Variants in F3 observed in about 807,000 individuals in gnomAD.
F3 encodes coagulation factor III, tissue factor.
Under a neutral mutation model 33.5 loss-of-function variants are expected in F3, and 18 were observed. The observed-to-expected ratio is 0.54, with a 90% confidence interval of 0.37 to 0.80. The LOEUF (loss-of-function observed/expected upper bound fraction) is 0.80, where lower values mean the gene tolerates loss of function less well. Among genes scored for constraint, F3 ranks in the 30% least tolerant of loss-of-function variants. F3 has a pLI of 0.00. For synonymous variants in F3, 147 were observed against 140.7 expected (o/e 1.05, Z -0.32); for missense variants, 353 against 362.1 (o/e 0.97, Z 0.20).
chr1:94,534,295 G>T (rs3917620), intron 3 of F3, among the ~76,000 whole-genome samples: 3,748 of 152,284 alleles, frequency 0.025, 178 homozygotes, highest in African/African-American at 0.086. Flanking sequence ...TGGTAAGGCT[G>T]CAGTCAACAG....
Position 94,533,111 on chromosome 1 carries a change from C to G in F3, c.570G>C (p.Trp190Cys). Residue 190 changes from tryptophan to cysteine, a missense_variant, in exon 4 of 6, where the codon TGG becomes TGC. Transcript: ENST00000334047. ...TCACCTTTCCTGAACTTGAAGATTT[C>G]CAATAATAAAGTGTATAAATTAAGT... is the stretch of plus-strand genomic sequence containing the variant. ...GKDLIYTLYYWKSSSSGKKTA... is the reference protein window; with the variant it reads ...GKDLIYTLYYCKSSSSGKKTA... 6.2e-7 allele frequency: 1 copy of G among 1,613,176 alleles called. No individual in the cohort carries two copies. Among genetic ancestry groups the G allele is most frequent in the East Asian group, 2.2e-5 (1 of 44,870 alleles).
At chr1:94,533,402 G>T in intron 3 of F3, 134 bp from the exon 4 acceptor site, 1 of 1,076,386 alleles carries the variant, frequency 9.3e-7, no homozygotes, top group Non-Finnish European at 1.3e-6. Flanking sequence ...CCTGAAAGAA[G>T]CAGGCGTGGC....
Position 94,529,557 on chromosome 1 carries a change from A to G in F3, c.*903T>C, listed in dbSNP as rs1302434234. On this transcript the variant is annotated 3_prime_UTR_variant, in exon 6 of 6. Transcript: ENST00000334047. The stretch of plus-strand genomic sequence containing the variant: ...ATGTTTAATGCCACTTAAGTCAGTT[A>G]AAGTGCAGATTGTAAAGCATATTAG... 6.6e-6 allele frequency: 1 copy of G among 152,630 alleles called. No homozygotes were observed. The highest frequency in any genetic ancestry group is 2.4e-5 in the African/African-American group (1 of 41,452). The allele number at this position is 152,630 out of a possible 1,614,324, so 9.5% of individuals were successfully genotyped here.
chr1:94,532,485 A>G lies in F3; in HGVS notation c.592-5T>C, dbSNP rs776120040. On this transcript the variant is annotated splice_polypyrimidine_tract_variant and splice_region_variant and intron_variant, in intron 4 of 5. Transcript: ENST00000334047. ...AGTGTTTGTTTTGGCTGTTTTCTGTAAAAAGATAGAGTTCTTAATTCATCT... is the reference window on the plus strand; with the variant it reads ...AGTGTTTGTTTTGGCTGTTTTCTGTGAAAAGATAGAGTTCTTAATTCATCT... The G allele has an allele frequency of 1.9e-6, 3 of 1,613,842 alleles. No individual in the cohort carries two copies. The highest frequency in any genetic ancestry group is 3.3e-5 in the Admixed American group (2 of 60,008).
chr1:94,533,130 A>G lies in F3; in HGVS notation c.551T>C (p.Ile184Thr), dbSNP rs775826479. The change falls in exon 4 of 6, where the codon ATT (isoleucine) becomes ACT (threonine). Residue 184 changes from isoleucine (I) to threonine (T), a missense_variant. Physicochemically the swap from Ile to Thr is moderately conservative, Grantham distance 89. Coordinates refer to ENST00000334047, the MANE Select transcript of F3 (RefSeq NM_001993.5). ...AGATTTCCAATAATAAAGTGTATAA[A>G]TTAAGTCCTTGCCAAAAACATCCCG... ...SLRDVFGKDL[I>T]YTLYYWKSSS... 3.7e-6 allele frequency: 6 copies of G among 1,613,764 alleles called. No individual in the cohort carries two copies. In the Admixed American group the frequency reaches 8.3e-5, roughly 22 times the overall value.
Position 94,539,007 on chromosome 1 carries a change from CAT to C in F3, c.212+1248_212+1249del, listed in dbSNP as rs576535766. On this transcript the variant is annotated intron_variant, in intron 2 of 5. Coordinates refer to ENST00000334047, the MANE Select transcript of F3 (RefSeq NM_001993.5). The stretch of plus-strand genomic sequence containing the variant: ...GCTTATGTTTAAAAAGCAGATGAAT[CAT>C]AAATATATTCCCATGTGTCCCTCAA... Among the ~76,000 whole-genome samples, 719 of 152,246 alleles carry C rather than the reference CAT, an allele frequency of 4.7e-3. 3 individuals are homozygous for C. The highest frequency in any genetic ancestry group is 0.016 in the African/African-American group (684 of 41,518).
chr1:94,541,730 T>G lies in F3; in HGVS notation c.-94A>C. 1.5e-6 allele frequency: 1 copy of G among 682,644 alleles called. No individual in the cohort carries two copies. The highest frequency in any genetic ancestry group is 2.1e-6 in the Non-Finnish European group (1 of 467,908). The allele number at this position is 682,644 out of a possible 1,614,324, so 42.3% of individuals were successfully genotyped here. A position where few individuals can be genotyped will look rare whatever the true frequency, so the allele number is the denominator to read the frequency against. On this transcript the variant is annotated 5_prime_UTR_variant, in exon 1 of 6. Coordinates refer to ENST00000334047, the MANE Select transcript of F3 (RefSeq NM_001993.5). ...GGCGCCCTGGGCCGGCCAGAGGGAG[T>G]GCGAGGGGGTGCGGGGAGCTCGCAG... is the stretch of plus-strand genomic sequence containing the variant.
chr1:94,532,353 T>C lies in F3; in HGVS notation c.719A>G (p.Glu240Gly). The C allele has an allele frequency of 6.2e-7, 1 of 1,614,112 alleles. No individual in the cohort carries two copies. The highest frequency in any genetic ancestry group is 8.5e-7 in the Non-Finnish European group (1 of 1,180,028). Residue 240 changes from glutamate (E) to glycine (G), a missense_variant, in exon 5 of 6, where the codon GAG (glutamate) becomes GGG (glycine). Physicochemically the swap from Glu to Gly is moderately conservative, Grantham distance 98. Transcript: ENST00000334047. ...VNRKSTDSPV[E>G]CMGQEKGEFR... The stretch of plus-strand genomic sequence containing the variant: ...TTCCCCTTTCTCCTGGCCCATACAC[T>C]CTACCGGGCTGTCTGTACTCTTCCG...
At position 94,536,051 on chromosome 1, in the gene F3, G is replaced by A. The variant is rs924494158; in HGVS notation, c.326C>T (p.Ser109Phe). The change falls in exon 3 of 6, where the codon TCC becomes TTC. Residue 109 changes from serine (S) to phenylalanine (F), a missense_variant. By Grantham distance (155) the Ser-to-Phe change is radical. Coordinates refer to ENST00000334047, the MANE Select transcript of F3 (RefSeq NM_001993.5). ...GCTCTCCACATTCCCTGCCGGGTAGGAGAAGACCCGTGCCAAGTACGTCTG... is the reference window on the plus strand; with the variant it reads ...GCTCTCCACATTCCCTGCCGGGTAGAAGAAGACCCGTGCCAAGTACGTCTG... Reference protein sequence around the residue: ...VKQTYLARVFSYPAGNVESTG... With the variant: ...VKQTYLARVFFYPAGNVESTG... 8.7e-6 allele frequency: 14 copies of A among 1,614,182 alleles called. No homozygotes were observed. In the East Asian group the frequency reaches 3.1e-4, roughly 36 times the overall value.
At chr1:94,535,520 T>C (rs1462919888) in intron 3 of F3, among the ~76,000 whole-genome samples, 1 of 152,092 alleles carries the variant, frequency 6.6e-6, no homozygotes, top group African/African-American at 2.4e-5. Flanking sequence ...AGGGAAACCA[T>C]GGACTTTCCT....
chr1:94,540,650 G>T (rs553427949), intron 1 of F3: 15 of 343,972 alleles, frequency 4.4e-5, no homozygotes, highest in Admixed American at 2.7e-4. Context: ...GTTATAACTT[G>T]ACCGGGAAGA....
chr1:94,536,104 G>T lies in F3; in HGVS notation c.273C>A (p.Leu91=). ...CFYTTDTECD[L]TDEIVKDVKQ... is the part of the protein sequence containing the mutation. ...TCACATCCTTCACAATCTCGTCGGT[G>T]AGGTCACACTCTGTGTCTGTTGTGT... is the stretch of plus-strand genomic sequence containing the variant. The change falls in exon 3 of 6, where the codon CTC becomes CTA. Residue 91 remains leucine (L), a synonymous_variant. Transcript: ENST00000334047. 6.2e-7 allele frequency: 1 copy of T among 1,614,144 alleles called. No individual in the cohort carries two copies. The highest frequency in any genetic ancestry group is 8.5e-7 in the Non-Finnish European group (1 of 1,180,022).
At chr1:94,531,888 G>A (rs1651444424) in intron 5 of F3, among the ~76,000 whole-genome samples, 1 of 152,118 alleles carries the variant, frequency 6.6e-6, no homozygotes, top group African/African-American at 2.4e-5. Flanking sequence ...AGCCTCTGTG[G>A]CAACAGCCCA....
At chr1:94,534,248 A>T (rs1271018661) in intron 3 of F3, among the ~76,000 whole-genome samples, 1 of 152,196 alleles carries the variant, frequency 6.6e-6, no homozygotes, top group African/African-American at 2.4e-5. Flanking sequence ...AATACACGCA[A>T]CATGAAAAAT....
intron 3 of F3, among the ~76,000 whole-genome samples, chr1:94,535,445 C>T (rs1331196578): frequency 3.8e-4 from 57 of 151,984 alleles, no homozygotes; most frequent in Admixed American, 3.7e-3. Flanking sequence ...TGGCACATCA[C>T]GGAACTCAAA....
chr1:94,532,292 C>G, intron 5 of F3, 29 bp downstream of exon 5: 1 of 1,611,286 alleles, frequency 6.2e-7, no homozygotes, highest in Non-Finnish European at 8.5e-7. Context: ...ACCCATACCC[C>G]CAGGCAAATG....
At chr1:94,536,566 CT>C (rs1400737813) in intron 2 of F3, among the ~76,000 whole-genome samples, 1 of 152,150 alleles carries the variant, frequency 6.6e-6, no homozygotes, top group Non-Finnish European at 1.5e-5. Flanking sequence ...CACAGCTGGA[CT>C]TTGAACCAGA....
intron 5 of F3, among the ~76,000 whole-genome samples, 156 bp downstream of exon 5, chr1:94,532,165 C>T (rs1224312885): frequency 4.0e-5 from 6 of 149,264 alleles, no homozygotes; most frequent in African/African-American, 1.5e-4. Flanking sequence ...AAATCAAAAC[C>T]AAAACAAACA....
chr1:94,536,112 A>G lies in F3; in HGVS notation c.265T>C (p.Cys89Arg). Residue 89 changes from cysteine (C) to arginine (R), a missense_variant, in exon 3 of 6, where the codon TGT (cysteine) becomes CGT (arginine). Cys to Arg is a radical substitution (Grantham distance 180, BLOSUM62 -3). Coordinates refer to ENST00000334047, the MANE Select transcript of F3 (RefSeq NM_001993.5). ...SKCFYTTDTECDLTDEIVKDV... is the reference protein window; with the variant it reads ...SKCFYTTDTERDLTDEIVKDV... ...TTCACAATCTCGTCGGTGAGGTCAC[A>G]CTCTGTGTCTGTTGTGTAAAAGCAT... 6.2e-7 allele frequency: 1 copy of G among 1,614,024 alleles called. No homozygotes were observed. Among genetic ancestry groups the G allele is most frequent in the Non-Finnish European group, 8.5e-7 (1 of 1,180,004 alleles).
Sources: allele counts gnomAD v4.1 joint callset (sites outside exome capture counted in the v4.1 genomes callset), GRCh38; gene constraint gnomAD v4.1.1; transcripts MANE v1.5; gene names NCBI Gene and HGNC (gene_info 2026-07-23, HGNC 2026-07-21).